Variants in GJC1 observed in about 807,000 individuals in gnomAD.
The protein encoded by GJC1 is gap junction protein gamma 1, also known as gap junction gamma-1 protein.
Under a neutral mutation model 29.3 loss-of-function variants are expected in GJC1, and 5 were observed. The observed-to-expected ratio is 0.17, with a 90% confidence interval of 0.09 to 0.36. The LOEUF is 0.36. Ranked by LOEUF, GJC1 falls within the 10% of genes least tolerant of loss-of-function variation. GJC1 has a pLI of 1.00. For synonymous variants in GJC1, 177 were observed against 183.3 expected (o/e 0.97, Z 0.28); for missense variants, 310 against 496.2 (o/e 0.62, Z 3.56).
chr17:44,821,370 C>G (rs1008467904), intron 1 of GJC1, among the ~76,000 whole-genome samples: 1 of 152,098 alleles, frequency 6.6e-6, no homozygotes, highest in Non-Finnish European at 1.5e-5. Context: ...AATATGACTA[C>G]GTTTATGATA....
intron 1 of GJC1, among the ~76,000 whole-genome samples, chr17:44,808,521 TG>T (rs983081950): frequency 6.7e-6 from 1 of 149,992 alleles, no homozygotes; most frequent in African/African-American, 2.5e-5. Flanking sequence ...GAGGCCAAGG[TG>T]GGGGGATCAC....
chr17:44,810,728 CG>C (rs1363876509), intron 1 of GJC1, among the ~76,000 whole-genome samples: 2 of 152,160 alleles, frequency 1.3e-5, no homozygotes, highest in East Asian at 3.9e-4. Flanking sequence ...TGGGGAGGAG[CG>C]GGGATCTGGA....
intron 1 of GJC1, among the ~76,000 whole-genome samples, chr17:44,827,140 T>C (rs1027951815): frequency 6.6e-5 from 10 of 152,084 alleles, no homozygotes; most frequent in Admixed American, 5.2e-4. Context: ...TGAAACCCCG[T>C]CTCTACTAAA....
At chr17:44,827,676 T>C (rs756477593) in intron 1 of GJC1, among the ~76,000 whole-genome samples, 8 of 152,006 alleles carry the variant, frequency 5.3e-5, no homozygotes, top group Non-Finnish European at 8.8e-5. Context: ...CTCACGCCTG[T>C]AATCCCAGCA....
chr17:44,827,006 G>A (rs1002910126), intron 1 of GJC1, among the ~76,000 whole-genome samples: 7 of 151,996 alleles, frequency 4.6e-5, no homozygotes, highest in Non-Finnish European at 7.4e-5. Flanking sequence ...TCAAAGGAAC[G>A]GTCTTACAAA....
intron 1 of GJC1, among the ~76,000 whole-genome samples, chr17:44,824,962 C>T (rs2050156860): frequency 6.7e-6 from 1 of 148,460 alleles, no homozygotes; most frequent in Non-Finnish European, 1.5e-5. Context: ...GGCCTGTAAT[C>T]CCCATATTTG....
chr17:44,806,401 G>GTTTTTTT (rs35152035), intron 2 of GJC1, among the ~76,000 whole-genome samples: 2 of 122,136 alleles, frequency 1.6e-5, no homozygotes, highest in African/African-American at 3.0e-5. Context: ...TCTTCTGTTT[G>GTTTTTTT]TTTTTTTTTT....
At chr17:44,825,974 G>A (rs940562459) in intron 1 of GJC1, among the ~76,000 whole-genome samples, 9 of 152,072 alleles carry the variant, frequency 5.9e-5, no homozygotes, top group Non-Finnish European at 7.4e-5. Context: ...AGGCTGGAGA[G>A]CAGTGATGCG....
downstream of GJC1, among the ~76,000 whole-genome samples, chr17:44,796,058 G>A (rs895607153): frequency 6.6e-6 from 1 of 152,170 alleles, no homozygotes; most frequent in African/African-American, 2.4e-5. Flanking sequence ...TCTGCAGGTC[G>A]GTGGCCTGCC....
At chr17:44,826,222 CCATTT>C (rs1436692815) in intron 1 of GJC1, among the ~76,000 whole-genome samples, 14 of 152,276 alleles carry the variant, frequency 9.2e-5, no homozygotes, top group Middle Eastern at 3.4e-3. Flanking sequence ...ACTCCTGGCC[CCATTT>C]CATTTCTTTA....
chr17:44,822,916 G>A (rs563414424), intron 1 of GJC1, among the ~76,000 whole-genome samples: 11 of 152,102 alleles, frequency 7.2e-5, no homozygotes, highest in African/African-American at 2.4e-4. Flanking sequence ...ATTTCAGGAA[G>A]GAAAATTTTG....
chr17:44,821,687 A>G (rs1216425158), intron 1 of GJC1, among the ~76,000 whole-genome samples: 7 of 134,916 alleles, frequency 5.2e-5, no homozygotes, highest in East Asian at 2.2e-4. Flanking sequence ...ACAAGAGGGA[A>G]ACTCCGTCTC....
chr17:44,803,673 C>G lies in GJC1; in HGVS notation c.*954G>C, dbSNP rs1433778271. The G allele has an allele frequency of 6.6e-6, 1 of 152,184 alleles. No homozygotes were observed. The highest frequency in any genetic ancestry group is 1.5e-5 in the Non-Finnish European group (1 of 68,042). 9.4% of individuals were successfully genotyped at this position (152,184 alleles called of 1,614,324 possible). ...AAAATATCCACCACTGGCTTCTTAACCAGACGGAAGCGGGCAGGTTTCTGG... is the reference window on the plus strand; with the variant it reads ...AAAATATCCACCACTGGCTTCTTAAGCAGACGGAAGCGGGCAGGTTTCTGG... On this transcript the variant is annotated 3_prime_UTR_variant, in exon 3 of 3. Transcript: ENST00000592524.
intron 1 of GJC1, among the ~76,000 whole-genome samples, chr17:44,817,829 C>T (rs1567712728): frequency 6.6e-6 from 1 of 152,068 alleles, no homozygotes; most frequent in Non-Finnish European, 1.5e-5. Context: ...CTTTCTTGAC[C>T]ACTCGCTAGT....
chr17:44,823,716 CTT>C (rs138768045), intron 1 of GJC1, among the ~76,000 whole-genome samples: 6 of 143,126 alleles, frequency 4.2e-5, no homozygotes, highest in African/African-American at 5.1e-5. Context: ...CTTTCCTTTC[CTT>C]TTTTTTTTTT....
intron 1 of GJC1, among the ~76,000 whole-genome samples, chr17:44,814,680 C>T (rs1210758025): frequency 3.9e-5 from 6 of 152,076 alleles, no homozygotes; most frequent in South Asian, 2.1e-4. Context: ...CGATGGCTCA[C>T]GCCTGTAATC....
chr17:44,828,193 A>G (rs1320063609), intron 1 of GJC1, among the ~76,000 whole-genome samples: 2 of 152,216 alleles, frequency 1.3e-5, no homozygotes, highest in African/African-American at 4.8e-5. Context: ...CAGCATTTAT[A>G]AGTAAGATTG....
chr17:44,818,599 A>G (rs2050070196), intron 1 of GJC1, among the ~76,000 whole-genome samples: 1 of 151,774 alleles, frequency 6.6e-6, no homozygotes, highest in Non-Finnish European at 1.5e-5. Flanking sequence ...AGGTCAGTTC[A>G]AGACCAGCCT....
At chr17:44,797,191 C>T (rs776826429), downstream of GJC1, among the ~76,000 whole-genome samples, 2 of 152,032 alleles carry the variant, frequency 1.3e-5, no homozygotes, top group African/African-American at 2.4e-5. Flanking sequence ...CTGCAAGCTT[C>T]GCCTCCCGGG....
Sources: allele counts gnomAD v4.1 joint callset (sites outside exome capture counted in the v4.1 genomes callset), GRCh38; gene constraint gnomAD v4.1.1; transcripts MANE v1.5; gene names NCBI Gene and HGNC (gene_info 2026-07-23, HGNC 2026-07-21).